Variants in SUCLG1 observed in about 807,000 individuals in gnomAD.
SUCLG1 encodes the protein succinate--CoA ligase [ADP/GDP-forming] subunit alpha, mitochondrial.
Under a neutral mutation model 37.3 loss-of-function variants are expected in SUCLG1, and 26 were observed. The ratio of observed to expected loss-of-function variants is 0.70; its 90% CI spans 0.51 to 0.97. SUCLG1 has a LOEUF of 0.97. SUCLG1 is among the 50% of genes least tolerant of loss of function. SUCLG1 has a pLI of 0.00. For synonymous variants in SUCLG1, 163 were observed against 155.6 expected (o/e 1.05, Z -0.36); for missense variants, 433 against 432.9 (o/e 1.00, Z 0.00).
rs1558608878 is a variant in SUCLG1 at position 84,431,678 on chromosome 2, A to T, written c.674-19T>A. ...CCAATGCCTGAAAAAGTTGAAAAAT[A>T]TCAATAGCTGGAAATTTAAGGGTGA... On this transcript the variant is annotated intron_variant, in intron 6 of 8. Transcript: ENST00000393868. The T allele has an allele frequency of 1.2e-6, 2 of 1,613,484 alleles. No homozygotes were observed. The highest frequency in any genetic ancestry group is 1.7e-6 in the Non-Finnish European group (2 of 1,179,764).
At chr2:84,438,719 G>A (rs888675121) in intron 5 of SUCLG1, among the ~76,000 whole-genome samples, 4 of 152,210 alleles carry the variant, frequency 2.6e-5, no homozygotes, top group Non-Finnish European at 4.4e-5. Flanking sequence ...CCTGGGTTGA[G>A]TGGGGACTTG....
intron 7 of SUCLG1, among the ~76,000 whole-genome samples, chr2:84,430,356 G>T (rs917064756): frequency 3.9e-5 from 6 of 152,212 alleles, no homozygotes; most frequent in African/African-American, 1.4e-4. Context: ...GGCAACGAGA[G>T]ATTAAGCATT....
chr2:84,434,969 A>G (rs6753640), intron 5 of SUCLG1, among the ~76,000 whole-genome samples: 8,090 of 152,252 alleles, frequency 0.053, 470 homozygotes, highest in African/African-American at 0.14. Context: ...CCTACAGAAC[A>G]CTGTCAGATT....
Position 84,457,348 on chromosome 2 carries a change from G to A in SUCLG1, c.97+1825C>T, listed in dbSNP as rs1489506534. Among the ~76,000 whole-genome samples the A allele has an allele frequency of 2.6e-5, 4 of 152,076 alleles. No homozygotes were observed. In the South Asian group the frequency reaches 8.3e-4, roughly 32 times the overall value. ...CCCCTCTTAATATAGAATACATCTT[G>A]GTTTAAATCTCAGACCCGTAATAAC... On this transcript the variant is annotated intron_variant, in intron 1 of 8. Transcript: ENST00000393868.
intron 5 of SUCLG1, 72 bp downstream of exon 5, chr2:84,440,975 A>C (rs1363268434): frequency 6.6e-7 from 1 of 1,516,602 alleles, no homozygotes; most frequent in Non-Finnish European, 9.1e-7. Context: ...CAAAGTCAAA[A>C]ATTCTTTGTG....
At position 84,441,242 on chromosome 2, in the gene SUCLG1, C is replaced by A; in HGVS notation, c.531+5G>T. Reference sequence around the variant, plus strand: ...CTGAGTTTCTTTTTGTTTTTTTGCACTCACATTGATGACTCCAGGGCAGTT... The same window carrying A: ...CTGAGTTTCTTTTTGTTTTTTTGCAATCACATTGATGACTCCAGGGCAGTT... On this transcript the variant is annotated splice_donor_5th_base_variant and intron_variant, in intron 4 of 8. Coordinates refer to ENST00000393868, the MANE Select transcript of SUCLG1 (RefSeq NM_003849.4). 6.2e-7 allele frequency: 1 copy of A among 1,614,060 alleles called. No homozygotes were observed. Among genetic ancestry groups the A allele is most frequent in the Non-Finnish European group, 8.5e-7 (1 of 1,180,020 alleles).
intron 5 of SUCLG1, among the ~76,000 whole-genome samples, chr2:84,435,096 A>C (rs1672665740): frequency 1.3e-5 from 2 of 152,028 alleles, no homozygotes; most frequent in Admixed American, 1.3e-4. Flanking sequence ...CCCTCTCCAG[A>C]CTTGTTTCTT....
At chr2:84,427,009 T>C (rs1672544359) in intron 7 of SUCLG1, 1 of 153,788 alleles carries the variant, frequency 6.5e-6, no homozygotes, top group Non-Finnish European at 1.5e-5. Context: ...GTTAATTCAC[T>C]TAAAAATAAC....
intron 5 of SUCLG1, among the ~76,000 whole-genome samples, chr2:84,440,803 G>GA (rs1383207886): frequency 6.6e-6 from 1 of 152,180 alleles, no homozygotes; most frequent in Non-Finnish European, 1.5e-5. Context: ...GTGCTGAGCA[G>GA]AAAAAAATCT....
intron 1 of SUCLG1, among the ~76,000 whole-genome samples, chr2:84,451,746 T>C (rs1203872405): frequency 6.6e-6 from 1 of 152,146 alleles, no homozygotes; most frequent in Non-Finnish European, 1.5e-5. Context: ...GCCTGCAGCA[T>C]CTAATTAACT....
chr2:84,434,799 AC>A (rs942883841), intron 5 of SUCLG1, among the ~76,000 whole-genome samples: 4 of 152,174 alleles, frequency 2.6e-5, no homozygotes, highest in African/African-American at 9.7e-5. Context: ...GTGCTATGTC[AC>A]CATTATTGTA....
rs141475174 is a variant in SUCLG1, at chr2:84,452,495, G to A, written c.98-2743C>T. ...GTCAAGAATTCCTATATCTTCACACGATATACATGATTTATGAGTATACTG... is the reference window on the plus strand; with the variant it reads ...GTCAAGAATTCCTATATCTTCACACAATATACATGATTTATGAGTATACTG... On this transcript the variant is annotated intron_variant, in intron 1 of 8. Transcript: ENST00000393868. Among the ~76,000 whole-genome samples the A allele has an allele frequency of 2.4e-3, 366 of 152,168 alleles. 2 individuals are homozygous for A. The highest frequency in any genetic ancestry group is 8.5e-3 in the African/African-American group (352 of 41,514).
At position 84,459,195 on chromosome 2, in the gene SUCLG1, A is replaced by G. The variant is rs1673107094; in HGVS notation, c.75T>C (p.Arg25=). 2.6e-6 allele frequency: 4 copies of G among 1,549,792 alleles called. No homozygotes were observed. The highest frequency in any genetic ancestry group is 3.5e-6 in the Non-Finnish European group (4 of 1,146,624). Residue 25 remains arginine (R), a synonymous_variant, in exon 1 of 9, where the codon CGT becomes CGC. Coordinates refer to ENST00000393868, the MANE Select transcript of SUCLG1 (RefSeq NM_003849.4). ...VSGSSGLAAA[R]LLSRSFLLPQ... is the part of the protein sequence containing the mutation. ...CACGGAGGAAGCTGCGCGACAGGAG[A>G]CGGGCGGCGGCGAGGCCGCTGCTGC...
chr2:84,449,654 T>C lies in SUCLG1; in HGVS notation c.196A>G (p.Lys66Glu), dbSNP rs1488140466. The change falls in exon 2 of 9, where the codon AAA (lysine) becomes GAA (glutamate). Residue 66 changes from lysine to glutamate, a missense_variant. Lys to Glu is a moderately conservative substitution (Grantham distance 56, BLOSUM62 1). Transcript: ENST00000393868. ...AAAAATCTAGATATACATACCTGTT[T>C]GCCAGTGAAACCCTGGCAAATAATC... ...TKIICQGFTG[K>E]QGTFHSQQAL... The C allele has an allele frequency of 1.9e-6, 3 of 1,595,748 alleles. No homozygotes were observed. The highest frequency in any genetic ancestry group is 1.1e-5 in the South Asian group (1 of 87,296).
rs977434460 is a variant in SUCLG1, at chr2:84,449,375, T to A, written c.201+274A>T. On this transcript the variant is annotated intron_variant, in intron 2 of 8. Coordinates refer to ENST00000393868, the MANE Select transcript of SUCLG1 (RefSeq NM_003849.4). ...TTCAACACTGGAGGAAAATCATTAG[T>A]GTTGTATTTGCTGAAAGAAAGTGTA... 3.3e-5 allele frequency among the ~76,000 whole-genome samples: 5 copies of A among 152,176 alleles called. No homozygotes were observed. In the South Asian group the frequency reaches 1.0e-3, roughly 32 times the overall value.
intron 7 of SUCLG1, among the ~76,000 whole-genome samples, chr2:84,430,023 A>T (rs993060428): frequency 6.6e-6 from 1 of 152,188 alleles, no homozygotes. Context: ...ATAAGAGAGA[A>T]ATAAAAGTTA....
intron 7 of SUCLG1, among the ~76,000 whole-genome samples, chr2:84,431,199 AC>A (rs1281280832): frequency 6.6e-6 from 1 of 152,138 alleles, no homozygotes; most frequent in African/African-American, 2.4e-5. Flanking sequence ...ACAGGTGAAA[AC>A]CAAGTCTGCA....
Position 84,451,845 on chromosome 2 carries a change from C to T in SUCLG1, c.98-2093G>A, listed in dbSNP as rs565975493. The stretch of plus-strand genomic sequence containing the variant: ...CCCATCTACACACCAGGCCTGGGCT[C>T]ATACAGACCCACTTCTAGATAAGCT... On this transcript the variant is annotated intron_variant, in intron 1 of 8. Transcript: ENST00000393868. Among the ~76,000 whole-genome samples the T allele has an allele frequency of 7.9e-5, 12 of 152,306 alleles. No individual in the cohort carries two copies. The South Asian group carries it at 2.5e-3, about 32-fold the overall frequency.
intron 3 of SUCLG1, among the ~76,000 whole-genome samples, chr2:84,443,008 C>T (rs1475616114): frequency 6.6e-6 from 1 of 152,188 alleles, no homozygotes; most frequent in East Asian, 1.9e-4. Context: ...TGGTTGCTGA[C>T]ATTTGTACTA....
Sources: gnomAD v4.1 joint callset for allele counts (sites outside exome capture counted in the v4.1 genomes callset) on GRCh38, gnomAD v4.1.1 for gene constraint, MANE v1.5 for transcripts, NCBI Gene and HGNC (gene_info 2026-07-23, HGNC 2026-07-21) for gene names.